Variants in REEP3 observed in about 807,000 individuals in gnomAD.
REEP3 encodes receptor expression-enhancing protein 3.
In REEP3, 20 loss-of-function variants were observed where a neutral mutation model predicts 41.3. That is an observed-to-expected ratio of 0.48 (90% confidence interval 0.34 to 0.70). The LOEUF (loss-of-function observed/expected upper bound fraction) is 0.70. Ranked by LOEUF, REEP3 falls within the 30% of genes least tolerant of loss-of-function variation. The pLI is 0.01. For missense variants in REEP3, 271 were observed against 308.8 expected (o/e 0.88, Z 0.92); for synonymous variants, 104 against 101.8 (o/e 1.02, Z -0.13).
intron 1 of REEP3, among the ~76,000 whole-genome samples, chr10:63,549,558 G>A (rs960186742): frequency 1.3e-5 from 2 of 152,168 alleles, no homozygotes; most frequent in African/African-American, 4.8e-5. Flanking sequence ...CGTTGTCGAA[G>A]GGAATAGAGA....
chr10:63,606,417 G>A (rs183376506), intron 5 of REEP3, among the ~76,000 whole-genome samples: 13 of 146,916 alleles, frequency 8.8e-5, no homozygotes, highest in South Asian at 2.1e-4. Context: ...ACAGGGTCTC[G>A]CTCTATCACC....
intron 2 of REEP3, among the ~76,000 whole-genome samples, chr10:63,580,220 C>T (rs1272326280): frequency 6.6e-6 from 1 of 152,124 alleles, no homozygotes; most frequent in African/African-American, 2.4e-5. Flanking sequence ...ACCACAGCCT[C>T]AACCTCCTGG....
intron 1 of REEP3, among the ~76,000 whole-genome samples, chr10:63,553,166 A>C (rs1955645349): frequency 6.6e-6 from 1 of 152,158 alleles, no homozygotes; most frequent in Non-Finnish European, 1.5e-5. Flanking sequence ...TGTGGCTCTG[A>C]GAGGAGGGAG....
chr10:63,570,534 T>G (rs542290471), intron 2 of REEP3, among the ~76,000 whole-genome samples: 1 of 152,264 alleles, frequency 6.6e-6, no homozygotes, highest in African/African-American at 2.4e-5. Flanking sequence ...TACAGACTCT[T>G]TCATCACCCA....
At chr10:63,554,377 T>G (rs982628066) in intron 1 of REEP3, among the ~76,000 whole-genome samples, 22 of 152,234 alleles carry the variant, frequency 1.4e-4, no homozygotes, top group Non-Finnish European at 3.2e-4. Context: ...CTCAGATATT[T>G]TTTTTATATG....
intron 1 of REEP3, among the ~76,000 whole-genome samples, chr10:63,543,746 C>G (rs1391488449): frequency 1.3e-5 from 2 of 152,076 alleles, no homozygotes; most frequent in Non-Finnish European, 2.9e-5. Flanking sequence ...GACACAGTTT[C>G]CGTTTTAAAG....
At chr10:63,574,734 A>G (rs566804292) in intron 2 of REEP3, among the ~76,000 whole-genome samples, 1 of 148,664 alleles carries the variant, frequency 6.7e-6, no homozygotes, top group East Asian at 2.0e-4. Flanking sequence ...AGTTGTGTGC[A>G]TTTCTTCTCA....
intron 2 of REEP3, among the ~76,000 whole-genome samples, chr10:63,585,653 T>C (rs1712010048): frequency 6.6e-6 from 1 of 152,238 alleles, no homozygotes; most frequent in Non-Finnish European, 1.5e-5. Flanking sequence ...ATTTTTTCTT[T>C]TTATTATACA....
intron 5 of REEP3, among the ~76,000 whole-genome samples, chr10:63,608,202 A>T (rs2133426361): frequency 6.6e-6 from 1 of 152,358 alleles, no homozygotes; most frequent in East Asian, 1.9e-4. Flanking sequence ...TTTGATAAGT[A>T]AATGATATCT....
At chr10:63,525,011 C>A (rs1199381675) in intron 1 of REEP3, among the ~76,000 whole-genome samples, 3 of 143,066 alleles carry the variant, frequency 2.1e-5, no homozygotes, top group Non-Finnish European at 3.1e-5. Flanking sequence ...GACTCTGTCT[C>A]AAAAAAAAAA....
intron 1 of REEP3, among the ~76,000 whole-genome samples, chr10:63,540,742 G>GT (rs1449934081): frequency 2.6e-5 from 4 of 151,994 alleles, no homozygotes; most frequent in South Asian, 2.1e-4. Flanking sequence ...TAATTTAAAG[G>GT]TTTTTTGTTT....
At chr10:63,541,551 A>C (rs1427786077) in intron 1 of REEP3, among the ~76,000 whole-genome samples, 1 of 152,238 alleles carries the variant, frequency 6.6e-6, no homozygotes, top group African/African-American at 2.4e-5. Context: ...TATATTAGCT[A>C]CAGAAGTATA....
chr10:63,556,895 AAAGT>A (rs1468503967), intron 1 of REEP3, among the ~76,000 whole-genome samples: 7 of 151,626 alleles, frequency 4.6e-5, no homozygotes, highest in African/African-American at 1.7e-4. Flanking sequence ...TCGGCCTCCC[AAAGT>A]GCTGGGATTA....
At chr10:63,612,559 G>A (rs1170125501) in intron 6 of REEP3, among the ~76,000 whole-genome samples, 1 of 152,182 alleles carries the variant, frequency 6.6e-6, no homozygotes, top group Admixed American at 6.5e-5. Flanking sequence ...GGGAGGCCGA[G>A]GCAGGCAGAT....
intron 3 of REEP3, among the ~76,000 whole-genome samples, chr10:63,595,639 C>T (rs1023649187): frequency 1.3e-5 from 2 of 151,826 alleles, no homozygotes; most frequent in Non-Finnish European, 2.9e-5. Context: ...TGCAGTGGCA[C>T]GATCTCGGCT....
intron 1 of REEP3, among the ~76,000 whole-genome samples, chr10:63,541,115 C>G (rs1315452268): frequency 6.6e-6 from 1 of 152,102 alleles, no homozygotes; most frequent in Non-Finnish European, 1.5e-5. Flanking sequence ...AGCCATAAAA[C>G]ATGTTACTTT....
At chr10:63,599,474 T>A (rs1274079038) in intron 5 of REEP3, among the ~76,000 whole-genome samples, 191 bp downstream of exon 5, 1 of 152,230 alleles carries the variant, frequency 6.6e-6, no homozygotes, top group Non-Finnish European at 1.5e-5. Flanking sequence ...AATCTCTTAA[T>A]TCATCACAAA....
chr10:63,549,533 C>A (rs1191092399), intron 1 of REEP3, among the ~76,000 whole-genome samples: 1 of 152,194 alleles, frequency 6.6e-6, no homozygotes, highest in African/African-American at 2.4e-5. Flanking sequence ...CACCACTGTA[C>A]TCCAGTTTGG....
At chr10:63,606,029 G>A (rs1404435061) in intron 5 of REEP3, 2 of 507,008 alleles carry the variant, frequency 3.9e-6, no homozygotes, top group Non-Finnish European at 5.1e-6. Flanking sequence ...CAGTTTCAAT[G>A]TGTAAAATAT....
Sources: gnomAD v4.1 joint callset for allele counts (sites outside exome capture counted in the v4.1 genomes callset) on GRCh38, gnomAD v4.1.1 for gene constraint, MANE v1.5 for transcripts, NCBI Gene and HGNC (gene_info 2026-07-23, HGNC 2026-07-21) for gene names.